POFUT1: variants seen among roughly 807,000 people sequenced by gnomAD.
POFUT1 encodes protein O-fucosyltransferase 1.
A neutral mutation model predicts 42.4 loss-of-function variants in POFUT1; 16 were observed. The observed-to-expected ratio is 0.38, with a 90% CI of 0.26 to 0.57. The LOEUF is 0.57. Among genes scored for constraint, POFUT1 ranks in the 20% least tolerant of loss-of-function variants. The pLI is 0.71. For synonymous variants in POFUT1, 206 were observed against 205.4 expected, an observed-to-expected ratio of 1.00 and a Z score of -0.03; for missense variants, 470 against 504.6, an observed-to-expected ratio of 0.93 and a Z score of 0.66.
chr20:32,230,530 A>T (rs771159572), intron 5 of POFUT1, among the ~76,000 whole-genome samples: 35 of 151,022 alleles, frequency 2.3e-4, no homozygotes, highest in Non-Finnish European at 4.4e-4. Context: ...CTCCATCTCT[A>T]CTAAAAATAC....
chr20:32,232,040 G>A lies in POFUT1; in HGVS notation c.978+979G>A, dbSNP rs181882618. Among the ~76,000 whole-genome samples, 296 of 152,298 alleles carry A rather than the reference G, an allele frequency of 1.9e-3. 1 individual carries two copies. The highest frequency in any genetic ancestry group is 1.9e-3 in the Non-Finnish European group (131 of 68,022). On this transcript the variant is annotated intron_variant, in intron 6 of 6. Transcript: ENST00000375749. ...AGTGAAAACCGTAAATGCTGTGCAG[G>A]CCTTAAGAGGCAGACACTGGGTACC... is the stretch of plus-strand genomic sequence containing the variant.
In POFUT1 at chr20:32,236,599, T is replaced by C. The variant is rs1300260276; in HGVS notation, c.*1938T>C. 2 of 152,240 alleles carry C rather than the reference T, an allele frequency of 1.3e-5. No individual in the cohort carries two copies. The highest frequency in any genetic ancestry group is 2.9e-5 in the Non-Finnish European group (2 of 68,050). 9.4% of individuals were successfully genotyped at this position (152,240 alleles called of 1,614,324 possible). ...TGTTCTGTGAGCTAGCACTTTTTCC[T>C]CTGACCCAATTTTCTTACCTATAAA... On this transcript the variant is annotated 3_prime_UTR_variant, in exon 7 of 7. Transcript: ENST00000375749.
At chr20:32,223,334 A>G in intron 4 of POFUT1, 1 of 985,310 alleles carries the variant, frequency 1.0e-6, no homozygotes, top group South Asian at 4.7e-5. Context: ...CCTCACCAAA[A>G]GTAAGTGAGC....
At chr20:32,215,207 TA>T in intron 2 of POFUT1, 61 bp from the exon 3 acceptor site, 1 of 1,350,854 alleles carries the variant, frequency 7.4e-7, no homozygotes, top group Non-Finnish European at 1.0e-6. Context: ...ATTGTTTTAA[TA>T]AATGTCTAAA....
At chr20:32,214,118 A>C (rs529128403) in intron 2 of POFUT1, among the ~76,000 whole-genome samples, 1 of 152,032 alleles carries the variant, frequency 6.6e-6, no homozygotes, top group Admixed American at 6.6e-5. Context: ...AGGAAGGTAC[A>C]TTAAAAAAAA....
At chr20:32,231,127 T>G (rs1273894860) in intron 6 of POFUT1, 66 bp downstream of exon 6, 43 of 1,565,770 alleles carry the variant, frequency 2.7e-5, no homozygotes, top group Non-Finnish European at 2.6e-6. Context: ...ATGGTCCCAC[T>G]GCCCACTGCA....
intron 1 of POFUT1, among the ~76,000 whole-genome samples, chr20:32,209,158 A>G (rs1188163423): frequency 1.3e-5 from 2 of 152,184 alleles, no homozygotes; most frequent in Non-Finnish European, 2.9e-5. Flanking sequence ...ACACATGCTC[A>G]GGTCTTCCAG....
At chr20:32,222,663 C>G (rs543098906) in intron 4 of POFUT1, 3 of 985,216 alleles carry the variant, frequency 3.0e-6, no homozygotes, top group African/African-American at 3.5e-5. Flanking sequence ...AAACTGGGTT[C>G]GAGGGAAAGA....
rs114759922 is a variant in POFUT1, at chr20:32,212,165, T to C, written c.246+1973T>C. 9.6e-3 allele frequency among the ~76,000 whole-genome samples: 1,470 copies of C among 152,348 alleles called. 29 individuals carry two copies. The highest frequency in any genetic ancestry group is 0.033 in the African/African-American group (1,382 of 41,578). On this transcript the variant is annotated intron_variant, in intron 2 of 6. Transcript: ENST00000375749. ...GTTGCTATTATTACCATTACTTGCTTTGCTATAAATATCTGTTGACTCCTG... is the reference window on the plus strand; with the variant it reads ...GTTGCTATTATTACCATTACTTGCTCTGCTATAAATATCTGTTGACTCCTG...
At chr20:32,223,297 T>G in intron 4 of POFUT1, 2 of 985,410 alleles carry the variant, frequency 2.0e-6, no homozygotes, top group Non-Finnish European at 2.4e-6. Context: ...TGTTCCCCCC[T>G]CATTCTTTCC....
At chr20:32,209,328 T>A (rs538547460) in intron 1 of POFUT1, among the ~76,000 whole-genome samples, 1 of 152,244 alleles carries the variant, frequency 6.6e-6, no homozygotes, top group African/African-American at 2.4e-5. Context: ...ATCACCAAAC[T>A]TTTTTCATCT....
Position 32,228,390 on chromosome 20 carries a change from G to T in POFUT1, c.670G>T (p.Ala224Ser), listed in dbSNP as rs775509348. The T allele has an allele frequency of 7.3e-5, 118 of 1,614,070 alleles. 2 individuals carry two copies. In the South Asian group the frequency reaches 1.3e-3, roughly 17 times the overall value. The change falls in exon 5 of 7, where the codon GCC becomes TCC. Residue 224 changes from alanine to serine, a missense_variant. Ala to Ser is a moderately conservative substitution (Grantham distance 99, BLOSUM62 1). Transcript: ENST00000375749. Reference protein sequence around the residue: ...WSDEMVKTGEAQIHAHLVRPY... With the variant: ...WSDEMVKTGESQIHAHLVRPY... ...AGACGAAATGGTGAAGACGGGAGAG[G>T]CCCAGATTCATGCCCACCTTGTCCG...
intron 1 of POFUT1, among the ~76,000 whole-genome samples, chr20:32,208,479 G>A (rs1280805823): frequency 1.3e-5 from 2 of 151,988 alleles, no homozygotes; most frequent in African/African-American, 2.4e-5. Context: ...GATAAACTCC[G>A]TGTCCTTGTA....
At chr20:32,227,750 T>G (rs544578693) in intron 4 of POFUT1, among the ~76,000 whole-genome samples, 1 of 152,314 alleles carries the variant, frequency 6.6e-6, no homozygotes, top group East Asian at 1.9e-4. Context: ...CTGTCTTGTT[T>G]TCCTCCAGGT....
chr20:32,228,425 G>C lies in POFUT1; in HGVS notation c.705G>C (p.Val235=). The change falls in exon 5 of 7, where the codon GTG becomes GTC. Residue 235 remains valine, a synonymous_variant. Transcript: ENST00000375749. ...QIHAHLVRPY[V]GIHLRIGSDW... The stretch of plus-strand genomic sequence containing the variant: ...ATGCCCACCTTGTCCGGCCCTATGT[G>C]GGCATTCATCTGCGCATTGGCTCTG... The C allele has an allele frequency of 6.2e-7, 1 of 1,614,106 alleles. No homozygotes were observed. Among genetic ancestry groups the C allele is most frequent in the Non-Finnish European group, 8.5e-7 (1 of 1,179,964 alleles).
chr20:32,212,674 C>T (rs907328617), intron 2 of POFUT1, among the ~76,000 whole-genome samples: 2 of 151,962 alleles, frequency 1.3e-5, no homozygotes, highest in East Asian at 1.9e-4. Flanking sequence ...CTCTGCCTCC[C>T]GGGTTCAAGT....
At chr20:32,227,995 C>T (rs1353285663) in intron 4 of POFUT1, among the ~76,000 whole-genome samples, 2 of 152,096 alleles carry the variant, frequency 1.3e-5, no homozygotes, top group African/African-American at 4.8e-5. Context: ...TTGGAATGCT[C>T]TCCTGTAAAG....
At chr20:32,224,262 C>T (rs940154989) in intron 4 of POFUT1, among the ~76,000 whole-genome samples, 10 of 152,038 alleles carry the variant, frequency 6.6e-5, no homozygotes, top group African/African-American at 2.4e-4. Flanking sequence ...CATGGTGGCA[C>T]GTGCCTGTAA....
intron 4 of POFUT1, chr20:32,217,026 T>C (rs757869085): frequency 6.2e-7 from 1 of 1,614,026 alleles, no homozygotes; most frequent in East Asian, 2.2e-5. Flanking sequence ...ATCACTCCTG[T>C]GTTACCTTAC....
Sources: gnomAD v4.1 joint callset for allele counts (sites outside exome capture counted in the v4.1 genomes callset) on GRCh38, gnomAD v4.1.1 for gene constraint, MANE v1.5 for transcripts, NCBI Gene and HGNC (gene_info 2026-07-23, HGNC 2026-07-21) for gene names.